The following NCOR2 variants were observed in gnomAD, a reference collection of about 807,000 sequenced individuals.
NCOR2 encodes the protein nuclear receptor corepressor 2, also known as CTG repeat protein 26.
Under a neutral mutation model 262.9 loss-of-function variants are expected in NCOR2, and 81 were observed. The ratio of observed to expected loss-of-function variants is 0.31; its 90% CI spans 0.26 to 0.37. The LOEUF (loss-of-function observed/expected upper bound fraction) is 0.37. Among genes scored for constraint, NCOR2 ranks in the 10% least tolerant of loss-of-function variants. NCOR2 has a pLI of 1.00. For synonymous variants in NCOR2, 1,659 were observed against 1,559.3 expected, an observed-to-expected ratio of 1.06 and a Z score of -1.51; for missense variants, 3,385 against 3,621.4, an observed-to-expected ratio of 0.93 and a Z score of 1.68.
At chr12:124,427,507 G>A (rs2043621679) in intron 10 of NCOR2, among the ~76,000 whole-genome samples, 1 of 152,220 alleles carries the variant, frequency 6.6e-6, no homozygotes, top group South Asian at 2.1e-4. Context: ...GGTAGGCGAG[G>A]ACTCCGCGTA....
At chr12:124,396,346 G>A (rs1016928546) in intron 16 of NCOR2, among the ~76,000 whole-genome samples, 2 of 152,226 alleles carry the variant, frequency 1.3e-5, no homozygotes, top group Non-Finnish European at 2.9e-5. Flanking sequence ...CGTGCCATGT[G>A]TATCATCTCA....
intron 37 of NCOR2, 132 bp from the exon 40 acceptor site, chr12:124,337,312 CTG>C (rs2035977242): frequency 7.8e-6 from 8 of 1,026,414 alleles, no homozygotes; most frequent in Admixed American, 4.0e-5. Context: ...GCCCTCCTGA[CTG>C]TAACCTGCCA....
chr12:124,506,995 T>TG (rs2136993533), intron 1 of NCOR2, among the ~76,000 whole-genome samples: 1 of 152,304 alleles, frequency 6.6e-6, no homozygotes, highest in Non-Finnish European at 1.5e-5. Context: ...GTTGGGGTCC[T>TG]GGGTCTTCAT....
At chr12:124,464,737 C>T (rs868358821) in intron 5 of NCOR2, among the ~76,000 whole-genome samples, 1 of 152,088 alleles carries the variant, frequency 6.6e-6, no homozygotes, top group African/African-American at 2.4e-5. Context: ...TAGGTGATGC[C>T]GTCGTTGTCA....
rs879156830 is a variant in NCOR2 at position 124,366,290 on chromosome 12, C to T, written c.2808-2491G>A. 4.6e-5 allele frequency among the ~76,000 whole-genome samples: 7 copies of T among 152,156 alleles called. No homozygotes were observed. In the East Asian group the frequency reaches 1.2e-3, roughly 25 times the overall value. ...CATGAGGCTCTGACACGGGCTATGACGTGGGTGGACCCTGAAGACACGATG... is the reference window on the plus strand; with the variant it reads ...CATGAGGCTCTGACACGGGCTATGATGTGGGTGGACCCTGAAGACACGATG... On this transcript the variant is annotated intron_variant, in intron 20 of 46. Coordinates refer to ENST00000405201, the Ensembl canonical transcript of NCOR2.
rs1054385220 is a variant in NCOR2 at position 124,434,792 on chromosome 12, C to T, written c.882+3138G>A. On this transcript the variant is annotated intron_variant, in intron 8 of 46. Transcript: ENST00000405201. ...TTATTAGGGGTGAAGGTCGGCACCTCTGCACCTATTTTCCAATAGTGCAAC... is the reference window on the plus strand; with the variant it reads ...TTATTAGGGGTGAAGGTCGGCACCTTTGCACCTATTTTCCAATAGTGCAAC... 5.3e-4 allele frequency among the ~76,000 whole-genome samples: 80 copies of T among 152,302 alleles called. 1 individual carries two copies. The highest frequency in any genetic ancestry group is 6.8e-3 in the Middle Eastern group (2 of 294).
intron 22 of NCOR2, among the ~76,000 whole-genome samples, chr12:124,358,052 G>A (rs577734931): frequency 6.9e-6 from 1 of 144,236 alleles, no homozygotes; most frequent in South Asian, 2.3e-4. Flanking sequence ...ATGTGTGTGT[G>A]CCTGTACACA....
At chr12:124,502,621 G>T (rs550988714) in intron 1 of NCOR2, among the ~76,000 whole-genome samples, 7 of 152,130 alleles carry the variant, frequency 4.6e-5, no homozygotes, top group Non-Finnish European at 1.0e-4. Flanking sequence ...GGGGAGAGTG[G>T]GGTGAGCGAA....
At chr12:124,540,040 C>A (rs1462561279), upstream of NCOR2, among the ~76,000 whole-genome samples, 1 of 152,098 alleles carries the variant, frequency 6.6e-6, no homozygotes, top group Non-Finnish European at 1.5e-5. Flanking sequence ...GGACAGACCC[C>A]CTGTTACCTG....
chr12:124,497,748 G>A (rs1218179254), upstream of NCOR2, among the ~76,000 whole-genome samples: 1 of 152,218 alleles, frequency 6.6e-6, no homozygotes, highest in Non-Finnish European at 1.5e-5. This position sits in a 1 kb window ranked among gnomAD's most constrained non-coding sequence, Gnocchi z 4.2. Context: ...CACAGTAAAT[G>A]CTCAGCAAAC....
intron 13 of NCOR2, among the ~76,000 whole-genome samples, chr12:124,416,738 C>T (rs1008873794): frequency 6.8e-6 from 1 of 147,466 alleles, no homozygotes; most frequent in Non-Finnish European, 1.5e-5. Context: ...GTCCCCGCGG[C>T]ACAGATAGAC....
At chr12:124,477,862 G>A (rs1038135304) in intron 3 of NCOR2, among the ~76,000 whole-genome samples, 1 of 149,622 alleles carries the variant, frequency 6.7e-6, no homozygotes, top group Non-Finnish European at 1.5e-5. Context: ...GATGCCCCTG[G>A]TGTAAAACTT....
intron 37 of NCOR2, 110 bp downstream of exon 39, chr12:124,339,896 C>CCCCCCCCCACCCCCCCTAT: frequency 1.6e-6 from 1 of 617,958 alleles, no homozygotes; most frequent in Non-Finnish European, 2.8e-6. Context: ...CACATCTGCC[C>CCCCCCCCCACCCCCCCTAT]ACCCACCCAC....
Position 124,354,949 on chromosome 12 carries a change from C to A in NCOR2, c.3382-10G>T, listed in dbSNP as rs975162395. 8 of 1,611,534 alleles carry A rather than the reference C, an allele frequency of 5.0e-6. No individual in the cohort carries two copies. The highest frequency in any genetic ancestry group is 4.0e-5 in the African/African-American group (3 of 74,934). ...GCTGGACCGACATTCCCTGTAGGGG[C>A]GGAGTTGTGGGGTCACAGGGGCACC... On this transcript the variant is annotated splice_polypyrimidine_tract_variant and intron_variant, in intron 24 of 46. Coordinates refer to ENST00000405201, the Ensembl canonical transcript of NCOR2.
At chr12:124,330,749 G>A in intron 44 of NCOR2, 96 bp downstream of exon 46, 1 of 1,358,626 alleles carries the variant, frequency 7.4e-7, no homozygotes, top group Non-Finnish European at 1.0e-6. Context: ...ACCCAGACTA[G>A]CGAAGGCTCC....
At position 124,345,458 on chromosome 12, in the gene NCOR2, T is replaced by TG. The variant is rs940725821; in HGVS notation, c.4360-508dup. On this transcript the variant is annotated intron_variant, in intron 31 of 46. Coordinates refer to ENST00000405201, the Ensembl canonical transcript of NCOR2. ...CCAGACAGAAAGGATGGTGAGGAAA[T>TG]GGGGGGGTCACAGTCCAGACTGGGA... 7.9e-4 allele frequency among the ~76,000 whole-genome samples: 120 copies of TG among 151,946 alleles called. 1 individual carries two copies. The highest frequency in any genetic ancestry group is 2.3e-3 in the South Asian group (11 of 4,798).
In NCOR2 at chr12:124,483,599, G is replaced by A; in HGVS notation, c.408C>T (p.Thr136=). The A allele has an allele frequency of 6.3e-7, 1 of 1,595,612 alleles. No homozygotes were observed. The highest frequency in any genetic ancestry group is 8.5e-7 in the Non-Finnish European group (1 of 1,171,854). Reference sequence around the variant, plus strand: ...CCAGCTGGGGGCCCAGGCTTACCTTGGTGAGGTCTTCAGATCCCGCAGGCT... The same window carrying A: ...CCAGCTGGGGGCCCAGGCTTACCTTAGTGAGGTCTTCAGATCCCGCAGGCT... Residue 136 remains threonine, a synonymous_variant, in exon 3 of 47, where the codon ACC becomes ACT. Coordinates refer to ENST00000405201, the Ensembl canonical transcript of NCOR2. The surrounding 1 kb of genome is among the most constrained non-coding windows in gnomAD (Gnocchi z 6.3).
intron 22 of NCOR2, among the ~76,000 whole-genome samples, chr12:124,360,440 T>C (rs1263991): frequency 0.22 from 32,993 of 152,266 alleles, 4,089 homozygotes; most frequent in East Asian, 0.52. Context: ...TGCCAAGAGC[T>C]GCGCTGTGAC....
At chr12:124,551,294 C>T (rs753090806) in intron 1 of NCOR2, among the ~76,000 whole-genome samples, 3 of 152,184 alleles carry the variant, frequency 2.0e-5, no homozygotes, top group African/African-American at 4.8e-5. Context: ...TGTCAATACT[C>T]GACCACTTTT....
Sources: gnomAD v4.1 joint callset for allele counts (sites outside exome capture counted in the v4.1 genomes callset) on GRCh38, gnomAD v4.1.1 for gene constraint, Gnocchi (gnomAD v3.1) non-coding constraint, MANE v1.5 for transcripts, NCBI Gene and HGNC (gene_info 2026-07-23, HGNC 2026-07-21) for gene names.